Variants in DACH2 observed in about 807,000 individuals in gnomAD.
DACH2 encodes the protein dachshund homolog 2.
DACH2 carries 17 observed loss-of-function variants against 35.8 expected under a neutral mutation model. That is an observed-to-expected ratio of 0.48 (90% confidence interval 0.33 to 0.71). DACH2 has a LOEUF of 0.71. Among genes scored for constraint, DACH2 ranks in the 30% least tolerant of loss-of-function variants. DACH2 has a pLI of 0.02. For missense variants in DACH2, 469 were observed against 472.7 expected (o/e 0.99, Z 0.07); for synonymous variants, 195 against 177.3 (o/e 1.10, Z -0.79).
At chrX:86,570,780 T>A (rs1289909457) in intron 3 of DACH2, among the ~76,000 whole-genome samples, 1 of 111,346 alleles carries the variant, frequency 9.0e-6, no homozygotes, top group Non-Finnish European at 1.9e-5. Flanking sequence ...TTACTCATTT[T>A]AAAAATTGGG....
chrX:86,719,162 T>C (rs1055552263), intron 6 of DACH2, among the ~76,000 whole-genome samples: 1 of 112,276 alleles, frequency 8.9e-6, no homozygotes, highest in Non-Finnish European at 1.9e-5. Context: ...CAGTGTTTTG[T>C]AGTTTTCCTT....
chrX:86,714,835 T>A, intron 6 of DACH2, 115 bp downstream of exon 6: 1 of 655,357 alleles, frequency 1.5e-6, no homozygotes, highest in Non-Finnish European at 2.2e-6. Flanking sequence ...CTCAGTTAGT[T>A]AGCATACAGT....
chrX:86,449,481 T>G (rs1353430404), intron 2 of DACH2, among the ~76,000 whole-genome samples: 1 of 111,754 alleles, frequency 8.9e-6, no homozygotes, highest in Non-Finnish European at 1.9e-5. Context: ...TTAATCAATT[T>G]ATATTCAAGG....
chrX:86,703,473 G>A (rs754981372), intron 5 of DACH2, among the ~76,000 whole-genome samples: 1 of 111,211 alleles, frequency 9.0e-6, no homozygotes, highest in South Asian at 3.8e-4. Flanking sequence ...AAAAGAGGAC[G>A]TTAAAATATC....
chrX:86,697,272 C>A (rs2041078298), intron 5 of DACH2, among the ~76,000 whole-genome samples: 1 of 111,251 alleles, frequency 9.0e-6, no homozygotes. Context: ...AATTTTCAGA[C>A]CCTATTTATG....
At chrX:86,553,615 AT>A (rs2039079115) in intron 3 of DACH2, among the ~76,000 whole-genome samples, 1 of 112,248 alleles carries the variant, frequency 8.9e-6, no homozygotes, top group African/African-American at 3.2e-5. Flanking sequence ...GAGAAAAAGC[AT>A]AAATGTTCAT....
rs183006718 is a variant in DACH2, at chrX:86,418,279, C to A, written c.527+41417C>A. Among the ~76,000 whole-genome samples, 27 of 111,709 alleles carry A rather than the reference C, an allele frequency of 2.4e-4. No individual in the cohort carries two copies. In the East Asian group the frequency reaches 3.1e-3, roughly 13 times the overall value. On this transcript the variant is annotated intron_variant, in intron 2 of 11. Coordinates refer to ENST00000373125, the MANE Select transcript of DACH2 (RefSeq NM_053281.3). Reference sequence around the variant, plus strand: ...GGAGAGTGGCCCTCTTCTCACAGCTCCACTAGGTGGTGCCCCAGCAGGGAC... The same window carrying A: ...GGAGAGTGGCCCTCTTCTCACAGCTACACTAGGTGGTGCCCCAGCAGGGAC...
Position 86,820,783 on chromosome X carries a change from T to C in DACH2, c.1750+4684T>C, listed in dbSNP as rs181421014. Among the ~76,000 whole-genome samples, 594 of 110,562 alleles carry C rather than the reference T, an allele frequency of 5.4e-3. 18 individuals are homozygous for C. The Admixed American group carries it at 0.054, about 10-fold the overall frequency. ...TTTTTATCAATTCTCTCAAAATCAATTTGAACAGTGTCTATCCTTCCTTGA... is the reference window on the plus strand; with the variant it reads ...TTTTTATCAATTCTCTCAAAATCAACTTGAACAGTGTCTATCCTTCCTTGA... On this transcript the variant is annotated intron_variant, in intron 11 of 11. Coordinates refer to ENST00000373125, the MANE Select transcript of DACH2 (RefSeq NM_053281.3).
chrX:86,463,077 C>T (rs2037603718), intron 2 of DACH2, among the ~76,000 whole-genome samples: 1 of 111,252 alleles, frequency 9.0e-6, no homozygotes, highest in Admixed American at 9.6e-5. Context: ...ATTCTGATTG[C>T]AAAGCACTAC....
intron 7 of DACH2, among the ~76,000 whole-genome samples, chrX:86,783,989 A>G (rs184133963): frequency 9.0e-6 from 1 of 111,193 alleles, no homozygotes; most frequent in Non-Finnish European, 1.9e-5. Flanking sequence ...AGTAACTTAA[A>G]GAGAGTAACT....
chrX:86,250,678 G>A (rs1271963439), intron 1 of DACH2, among the ~76,000 whole-genome samples: 1 of 111,274 alleles, frequency 9.0e-6, no homozygotes, highest in Non-Finnish European at 1.9e-5. Context: ...TAACTACAAA[G>A]TTCTAAGAGT....
intron 1 of DACH2, among the ~76,000 whole-genome samples, chrX:86,320,245 G>T (rs769563639): frequency 1.8e-5 from 2 of 112,264 alleles, no homozygotes; most frequent in Non-Finnish European, 3.8e-5. Context: ...CTAGATCTAT[G>T]AAGAGAAAAA....
intron 1 of DACH2, among the ~76,000 whole-genome samples, chrX:86,303,117 A>G (rs985361411): frequency 1.9e-5 from 2 of 104,015 alleles, no homozygotes; most frequent in Non-Finnish European, 3.9e-5. Flanking sequence ...CCCATAGTCC[A>G]TGTTCTTAAA....
intron 2 of DACH2, among the ~76,000 whole-genome samples, chrX:86,423,315 T>G (rs1028626711): frequency 9.0e-6 from 1 of 111,083 alleles, no homozygotes; most frequent in African/African-American, 3.3e-5. Context: ...TTACTCCACA[T>G]CCTGACCACC....
chrX:86,181,858 C>G (rs144579131), intron 1 of DACH2, among the ~76,000 whole-genome samples: 48 of 111,805 alleles, frequency 4.3e-4, no homozygotes, highest in African/African-American at 1.5e-3. Flanking sequence ...TGTTTTCTGA[C>G]TTTGTAATGG....
intron 1 of DACH2, among the ~76,000 whole-genome samples, chrX:86,149,390 G>T (rs779304382): frequency 1.8e-5 from 2 of 112,232 alleles, no homozygotes; most frequent in Admixed American, 1.9e-4. Flanking sequence ...TATCTTGCAT[G>T]GCTTTTGGCT....
At chrX:86,378,968 G>A (rs1252227619) in intron 2 of DACH2, among the ~76,000 whole-genome samples, 1 of 110,340 alleles carries the variant, frequency 9.1e-6, no homozygotes, top group Admixed American at 9.7e-5. Flanking sequence ...GTATTTTTTT[G>A]CTTTCCTGTT....
chrX:86,624,515 G>T (rs1047249323), intron 3 of DACH2, among the ~76,000 whole-genome samples: 1 of 111,718 alleles, frequency 9.0e-6, no homozygotes, highest in Non-Finnish European at 1.9e-5. Context: ...AGGAATGGTG[G>T]TATAGATCAC....
intron 1 of DACH2, among the ~76,000 whole-genome samples, chrX:86,284,514 G>A (rs2034105445): frequency 9.0e-6 from 1 of 110,659 alleles, no homozygotes; most frequent in Admixed American, 9.7e-5. Context: ...AATTTTCACA[G>A]CAATATTCAT....
Sources: allele counts gnomAD v4.1 joint callset (sites outside exome capture counted in the v4.1 genomes callset), GRCh38; gene constraint gnomAD v4.1.1; transcripts MANE v1.5; gene names NCBI Gene and HGNC (gene_info 2026-07-23, HGNC 2026-07-21).